Variants in PTOV1 observed in about 807,000 individuals in gnomAD.
The protein encoded by PTOV1 is prostate tumor-overexpressed gene 1 protein.
PTOV1 carries 20 observed loss-of-function variants against 58.0 expected under a neutral mutation model. That is an observed-to-expected ratio of 0.34 (90% CI 0.24 to 0.50). The LOEUF (loss-of-function observed/expected upper bound fraction) is 0.50. Among genes scored for constraint, PTOV1 ranks in the 20% least tolerant of loss-of-function variants. The probability of loss-of-function intolerance (pLI) is 0.98; values close to 1 mark genes in which losing one functional copy is unlikely to be tolerated. For missense variants in PTOV1, 593 were observed against 565.4 expected, an observed-to-expected ratio of 1.05 and a Z score of -0.50; for synonymous variants, 335 against 234.2, an observed-to-expected ratio of 1.43 and a Z score of -3.93.
chr19:49,859,994 C>T (rs758586241), exon 11 of PTOV1: 37 of 1,613,990 alleles, frequency 2.3e-5, no homozygotes, highest in Admixed American at 8.3e-5. Flanking sequence ...AGGCCGGCTG[C>T]GTGCACTTTT....
At chr19:49,851,230 C>G in exon 1 of PTOV1, 2 of 1,147,888 alleles carry the variant, frequency 1.7e-6, no homozygotes, top group Non-Finnish European at 1.1e-6. Flanking sequence ...CCCGTCTCCC[C>G]CGAAGCCGCG....
chr19:49,857,516 G>T (rs1186442429), intron 6 of PTOV1, 177 bp from the exon 7 acceptor site: 1 of 662,430 alleles, frequency 1.5e-6, no homozygotes, highest in Non-Finnish European at 2.7e-6. Context: ...GGCCACTGGG[G>T]AGCCATGGGG....
chr19:49,851,569 C>G, intron 1 of PTOV1, 70 bp downstream of exon 1: 21 of 1,033,148 alleles, frequency 2.0e-5, no homozygotes, highest in Non-Finnish European at 2.3e-5. Context: ...CGGGCTCACG[C>G]CTTTGTCCGC....
intron 6 of PTOV1, 76 bp downstream of exon 6, chr19:49,857,206 T>C: frequency 6.4e-7 from 1 of 1,563,628 alleles, no homozygotes; most frequent in Non-Finnish European, 8.8e-7. Context: ...CAGCCAGACT[T>C]GGTGTGGGCG....
intron 1 of PTOV1, among the ~76,000 whole-genome samples, chr19:49,854,054 A>G (rs2074361042): frequency 6.6e-6 from 1 of 152,222 alleles, no homozygotes; most frequent in Non-Finnish European, 1.5e-5. Context: ...GGCACGGGGA[A>G]AGCCCCCTAC....
chr19:49,860,460 AGCGGTCCTAG>A, exon 12 of PTOV1: 1 of 956,744 alleles, frequency 1.0e-6, no homozygotes. Context: ...CAGCAGTCCC[AGCGGTCCTAG>A]GCTGTCGGGA....
exon 6 of PTOV1, chr19:49,857,037 C>T (rs898836547): frequency 2.5e-6 from 4 of 1,613,982 alleles, no homozygotes; most frequent in Non-Finnish European, 3.4e-6. Context: ...TGCTCCTGTA[C>T]TCGTCCAAGA....
intron 1 of PTOV1, among the ~76,000 whole-genome samples, chr19:49,853,571 C>T (rs1329959325): frequency 6.6e-6 from 1 of 151,136 alleles, no homozygotes; most frequent in East Asian, 1.9e-4. Context: ...GAGCTGAGAT[C>T]GCACCACTGC....
In PTOV1 at chr19:49,851,351, C is replaced by T; in HGVS notation, c.23C>T (p.Pro8Leu). ...GCCATGGTCCGTCCGCGCCGTGCCC[C>T]GTACCGCTCCGGCGCCGGGGGCCCC... Residue 8 changes from proline to leucine, a missense_variant, in exon 1 of 12, where the codon CCG (proline) becomes CTG (leucine). Coordinates refer to ENST00000391842, the Ensembl canonical transcript of PTOV1. The T allele has an allele frequency of 9.1e-7, 1 of 1,099,190 alleles. No homozygotes were observed. Among genetic ancestry groups the T allele is most frequent in the Non-Finnish European group, 1.1e-6 (1 of 904,946 alleles). 68.1% of individuals were successfully genotyped at this position (1,099,190 alleles called of 1,614,324 possible). A position where few individuals can be genotyped will look rare whatever the true frequency, so the allele number is the denominator to read the frequency against.
chr19:49,854,485 G>A (rs1346928269), exon 2 of PTOV1: 2 of 1,612,840 alleles, frequency 1.2e-6, no homozygotes, highest in Non-Finnish European at 1.7e-6. Flanking sequence ...CTGGCCGTGA[G>A]CGAGCACCGG....
exon 12 of PTOV1, chr19:49,860,679 C>T: frequency 2.6e-6 from 1 of 386,968 alleles, no homozygotes; most frequent in South Asian, 4.1e-5. Flanking sequence ...GGATGGTGTC[C>T]TGAGGCCTCC....
rs773835265 is a variant in PTOV1, at chr19:49,860,109, G to C, written c.1165G>C (p.Gly389Arg). Reference sequence around the variant, plus strand: ...CCATGACCAGGGCAACTTTGTCAACGGCATCCGGCGTGTCATTGCCAACCA... The same window carrying C: ...CCATGACCAGGGCAACTTTGTCAACCGCATCCGGCGTGTCATTGCCAACCA... Residue 389 changes from glycine to arginine, a missense_variant, in exon 11 of 12, where the codon GGC (glycine) becomes CGC (arginine). Physicochemically the swap from Gly to Arg is moderately radical, Grantham distance 125 (BLOSUM62 -2). Transcript: ENST00000391842. The C allele has an allele frequency of 1.4e-5, 23 of 1,614,196 alleles. No homozygotes were observed. The South Asian group carries it at 2.5e-4, about 18-fold the overall frequency.
At chr19:49,854,840 C>T in exon 4 of PTOV1, 1 of 1,613,326 alleles carries the variant, frequency 6.2e-7, no homozygotes, top group Non-Finnish European at 8.5e-7. Flanking sequence ...GGGAGACCGA[C>T]CAGTGGCCGC....
chr19:49,851,757 G>C (rs2074259466), intron 1 of PTOV1: 4 of 1,090,714 alleles, frequency 3.7e-6, no homozygotes, highest in South Asian at 9.0e-5. Context: ...CTGACTCCGC[G>C]GCCCGATTTA....
chr19:49,858,481 A>C, intron 9 of PTOV1, 68 bp from the exon 10 acceptor site: 1 of 1,319,360 alleles, frequency 7.6e-7, no homozygotes, highest in Non-Finnish European at 1.1e-6. Flanking sequence ...CGGGGGACTC[A>C]GCGGGCTGGG....
chr19:49,851,257 C>T, exon 1 of PTOV1: 1 of 1,114,564 alleles, frequency 9.0e-7, no homozygotes, highest in Non-Finnish European at 1.1e-6. Context: ...CGCCCGCGCC[C>T]CTCAGTCGGT....
At chr19:49,853,861 C>A (rs576506505) in intron 1 of PTOV1, among the ~76,000 whole-genome samples, 1 of 152,272 alleles carries the variant, frequency 6.6e-6, no homozygotes, top group South Asian at 2.1e-4. Flanking sequence ...CGGGGTCAGA[C>A]TTATAAGGCC....
Position 49,852,317 on chromosome 19 carries a change from A to G in PTOV1, c.171+818A>G, listed in dbSNP as rs562556178. 8 of 153,700 alleles carry G rather than the reference A, an allele frequency of 5.2e-5. No homozygotes were observed. In the Admixed American group the frequency reaches 5.2e-4, roughly 10 times the overall value. The allele number at this position is 153,700 out of a possible 1,614,324, so 9.5% of individuals were successfully genotyped here. ...AAACAGGCTTCCTGGGGTCATAAAC[A>G]TGGATACCGAGACTTAGATCACCTC... On this transcript the variant is annotated intron_variant, in intron 1 of 11. Transcript: ENST00000391842.
exon 12 of PTOV1, chr19:49,860,420 G>T: frequency 7.6e-7 from 1 of 1,308,892 alleles, no homozygotes; most frequent in Non-Finnish European, 1.0e-6. Context: ...GGCGACCTTG[G>T]CCTTGGGGAG....
Sources: allele counts gnomAD v4.1 joint callset (sites outside exome capture counted in the v4.1 genomes callset), GRCh38; gene constraint gnomAD v4.1.1; transcripts MANE v1.5; gene names NCBI Gene and HGNC (gene_info 2026-07-23, HGNC 2026-07-21).